The following ARB2A variants were observed in gnomAD, a reference collection of about 807,000 sequenced individuals.
ARB2A encodes cotranscriptional regulator ARB2A.
the ARB2A span, chr5:93,620,767 G>A: frequency 6.2e-6 from 3 of 482,666 alleles, no homozygotes; most frequent in Non-Finnish European, 1.0e-5. Flanking sequence ...CGCTCAGCCC[G>A]CGCTCAGCCC....
At chr5:93,700,050 A>G in the ARB2A span, among the ~76,000 whole-genome samples, 2 of 152,084 alleles carry the variant, frequency 1.3e-5, no homozygotes, top group African/African-American at 4.8e-5. Flanking sequence ...AATTCTTAGA[A>G]AGACATAAAC....
At chr5:94,031,414 GC>G in the ARB2A span, among the ~76,000 whole-genome samples, 6 of 152,148 alleles carry the variant, frequency 3.9e-5, no homozygotes, top group Admixed American at 3.3e-4. Context: ...CTATACTGTA[GC>G]CATGCCCTAG....
chr5:93,637,504 T>C, the ARB2A span, among the ~76,000 whole-genome samples: 1 of 152,106 alleles, frequency 6.6e-6, no homozygotes, highest in Non-Finnish European at 1.5e-5. Flanking sequence ...AATTGCTAGG[T>C]TGTACGTTAG....
the ARB2A span, among the ~76,000 whole-genome samples, chr5:93,822,284 A>C: frequency 6.6e-6 from 1 of 152,164 alleles, no homozygotes; most frequent in African/African-American, 2.4e-5. Flanking sequence ...CTTTATATTA[A>C]AGTGGAACAA....
At chr5:93,857,900 C>T in the ARB2A span, among the ~76,000 whole-genome samples, 1 of 152,200 alleles carries the variant, frequency 6.6e-6, no homozygotes, top group African/African-American at 2.4e-5. Flanking sequence ...GAGCTGTAGA[C>T]TGGAGCTGTT....
the ARB2A span, among the ~76,000 whole-genome samples, chr5:93,963,563 G>A: frequency 2.6e-5 from 4 of 151,860 alleles, no homozygotes; most frequent in Non-Finnish European, 5.9e-5. Context: ...CTGGAGAGGG[G>A]ACAATATTAA....
chr5:93,628,198 G>A, the ARB2A span, among the ~76,000 whole-genome samples: 50 of 151,214 alleles, frequency 3.3e-4, no homozygotes, highest in Non-Finnish European at 4.7e-4. Context: ...CCACAGGCAC[G>A]TGCCACCACG....
chr5:93,796,653 G>A, the ARB2A span, among the ~76,000 whole-genome samples: 1 of 152,148 alleles, frequency 6.6e-6, no homozygotes, highest in African/African-American at 2.4e-5. Flanking sequence ...AGTGAATACT[G>A]TTGCTTGAAG....
the ARB2A span, among the ~76,000 whole-genome samples, chr5:93,693,312 T>A: frequency 6.6e-6 from 1 of 151,872 alleles, no homozygotes; most frequent in African/African-American, 2.4e-5. Flanking sequence ...GCTAGCCAGA[T>A]TAACAAAGAA....
At chr5:94,048,051 CT>C in the ARB2A span, among the ~76,000 whole-genome samples, 14 of 96,078 alleles carry the variant, frequency 1.5e-4, no homozygotes, top group African/African-American at 4.8e-4. Flanking sequence ...AATCGGTAAG[CT>C]TTTTTTTTTT....
the ARB2A span, among the ~76,000 whole-genome samples, chr5:93,834,523 A>C: frequency 6.6e-6 from 1 of 152,228 alleles, no homozygotes; most frequent in African/African-American, 2.4e-5. Flanking sequence ...TCACAAAATT[A>C]AGGCTTTTTA....
the ARB2A span, among the ~76,000 whole-genome samples, chr5:93,677,260 T>TA: frequency 2.0e-5 from 3 of 152,012 alleles, no homozygotes; most frequent in African/African-American, 7.3e-5. Flanking sequence ...AAAGTTCATG[T>TA]AAAAAAAATT....
At chr5:94,046,211 ATT>A in the ARB2A span, among the ~76,000 whole-genome samples, 1 of 151,958 alleles carries the variant, frequency 6.6e-6, no homozygotes, top group African/African-American at 2.4e-5. Flanking sequence ...AGAGAGTTTA[ATT>A]TTTTTTTATT....
At chr5:94,089,591 T>TTA in the ARB2A span, among the ~76,000 whole-genome samples, 1 of 74,336 alleles carries the variant, frequency 1.3e-5, no homozygotes, top group South Asian at 5.1e-4. Flanking sequence ...TTAAAACCGT[T>TTA]TATACACACA....
the ARB2A span, chr5:93,805,705 G>A: frequency 2.0e-6 from 2 of 985,140 alleles, no homozygotes. Flanking sequence ...TAAATTATAT[G>A]TCAGAAAGTC....
At chr5:93,631,340 TAGAAA>T in the ARB2A span, among the ~76,000 whole-genome samples, 1 of 152,216 alleles carries the variant, frequency 6.6e-6, no homozygotes, top group Non-Finnish European at 1.5e-5. Flanking sequence ...ACAGCTGTTA[TAGAAA>T]TGTTTTGTTT....
chr5:93,762,527 G>A, the ARB2A span, among the ~76,000 whole-genome samples: 1 of 152,154 alleles, frequency 6.6e-6, no homozygotes, highest in Non-Finnish European at 1.5e-5. Flanking sequence ...AATGAACAAA[G>A]CCTCCAAGAA....
chr5:93,760,235 T>C, the ARB2A span, among the ~76,000 whole-genome samples: 1 of 152,106 alleles, frequency 6.6e-6, no homozygotes, highest in African/African-American at 2.4e-5. Flanking sequence ...AAAACACCGC[T>C]GAAAGAAATC....
At chr5:93,826,841 C>T in the ARB2A span, among the ~76,000 whole-genome samples, 14 of 146,018 alleles carry the variant, frequency 9.6e-5, no homozygotes, top group African/African-American at 5.1e-5. Context: ...TGAGAACATG[C>T]GGTGTTTGGT....
Sources: allele counts gnomAD v4.1 joint callset (sites outside exome capture counted in the v4.1 genomes callset), GRCh38; gene constraint gnomAD v4.1.1; transcripts MANE v1.5; gene names NCBI Gene and HGNC (gene_info 2026-07-23, HGNC 2026-07-21).